The following GLIS3 variants were observed in gnomAD, a reference collection of about 807,000 sequenced individuals.
GLIS3 encodes the protein zinc finger protein GLIS3.
A neutral mutation model predicts 78.6 loss-of-function variants in GLIS3; 53 were observed. The observed-to-expected ratio is 0.67, with a 90% CI of 0.54 to 0.85. GLIS3 has a LOEUF of 0.85. GLIS3 is among the 40% of genes least tolerant of loss of function. The pLI is 0.00. For missense variants in GLIS3, 1,703 were observed against 1,231.1 expected (o/e 1.38, Z -5.74); for synonymous variants, 684 against 509.9 (o/e 1.34, Z -4.60).
chr9:4,085,087 G>T (rs988015418), intron 4 of GLIS3, among the ~76,000 whole-genome samples: 5 of 152,014 alleles, frequency 3.3e-5, no homozygotes, highest in Admixed American at 2.6e-4. Context: ...AAAACAGCTT[G>T]CAAATGAAGG....
At chr9:4,442,217 G>T in the GLIS3 span, among the ~76,000 whole-genome samples, 36 of 152,150 alleles carry the variant, frequency 2.4e-4, no homozygotes, top group African/African-American at 7.5e-4. Flanking sequence ...ATTCCTTGTA[G>T]ATTTTCCAAT....
chr9:4,066,599 C>T (rs538735151), intron 4 of GLIS3, among the ~76,000 whole-genome samples: 12 of 152,332 alleles, frequency 7.9e-5, no homozygotes, highest in African/African-American at 2.9e-4. Flanking sequence ...TTACAGAACC[C>T]ATCTGCATCA....
intron 2 of GLIS3, among the ~76,000 whole-genome samples, chr9:4,276,732 C>G (rs1274594271): frequency 6.6e-6 from 1 of 152,034 alleles, no homozygotes; most frequent in Non-Finnish European, 1.5e-5. Context: ...ATCACGCCTC[C>G]GATTGAGTAA....
chr9:4,192,051 C>T (rs111768178), intron 2 of GLIS3, among the ~76,000 whole-genome samples: 1 of 152,028 alleles, frequency 6.6e-6, no homozygotes, highest in Admixed American at 6.5e-5. Flanking sequence ...TTCCAATGAT[C>T]TCAAAAGGAG....
chr9:4,360,268 T>C, the GLIS3 span, among the ~76,000 whole-genome samples: 7 of 152,108 alleles, frequency 4.6e-5, no homozygotes, highest in South Asian at 2.1e-4. Context: ...GTTTTCCACA[T>C]GTGAAGAGGA....
At chr9:4,002,233 C>T (rs757430973) in intron 4 of GLIS3, among the ~76,000 whole-genome samples, 4 of 152,098 alleles carry the variant, frequency 2.6e-5, no homozygotes, top group African/African-American at 7.2e-5. Flanking sequence ...GGAATGCAGG[C>T]GGCCTCTAGA....
chr9:4,480,536 A>G, the GLIS3 span, among the ~76,000 whole-genome samples: 1 of 152,224 alleles, frequency 6.6e-6, no homozygotes, highest in African/African-American at 2.4e-5. Context: ...ATGGAGGAAT[A>G]TGGCATATTC....
chr9:4,021,606 G>A (rs1312597539), intron 4 of GLIS3, among the ~76,000 whole-genome samples: 18 of 152,102 alleles, frequency 1.2e-4, no homozygotes, highest in Non-Finnish European at 1.5e-5. Context: ...CTATTCAACA[G>A]TTGAACACTG....
intron 2 of GLIS3, among the ~76,000 whole-genome samples, chr9:4,230,603 G>C (rs1203235423): frequency 1.3e-5 from 2 of 152,152 alleles, no homozygotes; most frequent in East Asian, 3.8e-4. Context: ...CTTACTCGAT[G>C]CATCTGTGAT....
rs1440330348 is a variant in GLIS3 at position 4,059,827 on chromosome 9, TGTGAGA to T, written c.1710+57935_1710+57940del. Reference sequence around the variant, plus strand: ...ATTTGTGTGTGTGTGTGTGTGTGTGTGTGAGAGAGAGAGAGAGAGAGAGAGAGAGAG... The same window carrying T: ...ATTTGTGTGTGTGTGTGTGTGTGTGTGAGAGAGAGAGAGAGAGAGAGAGAG... On this transcript the variant is annotated intron_variant, in intron 4 of 10. Coordinates refer to ENST00000381971, the MANE Select transcript of GLIS3 (RefSeq NM_001042413.2). 3.7e-5 allele frequency among the ~76,000 whole-genome samples: 4 copies of T among 106,822 alleles called. No individual in the cohort carries two copies. The East Asian group carries it at 9.3e-4, about 25-fold the overall frequency. The allele number at this position is 106,822 out of a possible 152,430, so 70.1% of individuals were successfully genotyped here.
At chr9:4,391,361 AG>A in the GLIS3 span, among the ~76,000 whole-genome samples, 1 of 152,120 alleles carries the variant, frequency 6.6e-6, no homozygotes, top group South Asian at 2.1e-4. Context: ...TAGTCTATAT[AG>A]GGGGTGTGTT....
intron 8 of GLIS3, among the ~76,000 whole-genome samples, chr9:3,865,042 C>T (rs1198016991): frequency 1.3e-5 from 2 of 152,128 alleles, no homozygotes; most frequent in Non-Finnish European, 2.9e-5. Context: ...ATTATATTTG[C>T]ACAGCTTCTG....
rs1211285998 is a variant in GLIS3 at position 4,299,593 on chromosome 9, G to C, written c.-271C>G. On this transcript the variant is annotated 5_prime_UTR_variant, in exon 1 of 11. Transcript: ENST00000381971. ...GGAAATGAAAACCCCCATCCAAACGGGGGGACGGAGCGCGGAAACCCGGCC... is the reference window on the plus strand; with the variant it reads ...GGAAATGAAAACCCCCATCCAAACGCGGGGACGGAGCGCGGAAACCCGGCC... 3 of 152,638 alleles carry C rather than the reference G, an allele frequency of 2.0e-5. No individual in the cohort carries two copies. The highest frequency in any genetic ancestry group is 6.5e-5 in the Admixed American group (1 of 15,290). 9.5% of individuals were successfully genotyped at this position (152,638 alleles called of 1,614,324 possible).
intron 2 of GLIS3, among the ~76,000 whole-genome samples, chr9:4,261,066 C>G (rs1825482811): frequency 6.6e-6 from 1 of 152,122 alleles, no homozygotes; most frequent in Non-Finnish European, 1.5e-5. Flanking sequence ...GATGTTTAAG[C>G]CCAAGCAGCA....
chr9:3,970,583 C>T (rs1818306390), intron 4 of GLIS3, among the ~76,000 whole-genome samples: 10 of 152,048 alleles, frequency 6.6e-5, no homozygotes, highest in Admixed American at 6.6e-4. Flanking sequence ...TGCTAATGCA[C>T]AGGACAGCCC....
chr9:4,153,555 C>A (rs533000691), intron 2 of GLIS3, among the ~76,000 whole-genome samples: 1 of 152,166 alleles, frequency 6.6e-6, no homozygotes, highest in African/African-American at 2.4e-5. Context: ...CACAGTGAGA[C>A]TCTGTCTCAA....
At chr9:4,448,203 C>G in the GLIS3 span, among the ~76,000 whole-genome samples, 1 of 152,210 alleles carries the variant, frequency 6.6e-6, no homozygotes, top group Non-Finnish European at 1.5e-5. Flanking sequence ...CAGATATAAT[C>G]GGTTCTTTGC....
At chr9:3,967,022 AAAAAAAAAAAAC>A (rs1252253865) in intron 4 of GLIS3, among the ~76,000 whole-genome samples, 8 of 144,532 alleles carry the variant, frequency 5.5e-5, no homozygotes, top group Non-Finnish European at 9.0e-5. Flanking sequence ...AAAAAAAAAA[AAAAAAAAAAAAC>A]AAAAAAACAT....
chr9:4,449,577 T>A, the GLIS3 span, among the ~76,000 whole-genome samples: 3 of 152,170 alleles, frequency 2.0e-5, no homozygotes, highest in Non-Finnish European at 4.4e-5. Flanking sequence ...TAGGGGCCAA[T>A]TGATACCTCA....
Sources: gnomAD v4.1 joint callset for allele counts (sites outside exome capture counted in the v4.1 genomes callset) on GRCh38, gnomAD v4.1.1 for gene constraint, MANE v1.5 for transcripts, NCBI Gene and HGNC (gene_info 2026-07-23, HGNC 2026-07-21) for gene names.